Variants in AOPEP observed in about 807,000 individuals in gnomAD.
AOPEP encodes the protein aminopeptidase O.
Under a neutral mutation model 98.1 loss-of-function variants are expected in AOPEP, and 77 were observed. The ratio of observed to expected loss-of-function variants is 0.78; its 90% CI spans 0.65 to 0.95. The LOEUF (loss-of-function observed/expected upper bound fraction) is 0.95, where lower values mean the gene tolerates loss of function less well. Among genes scored for constraint, AOPEP ranks in the 40% least tolerant of loss-of-function variants. The pLI is 0.00. For synonymous variants in AOPEP, 346 were observed against 365.3 expected, an observed-to-expected ratio of 0.95 and a Z score of 0.60; for missense variants, 1,024 against 1,024.7, an observed-to-expected ratio of 1.00 and a Z score of 0.01.
intron 10 of AOPEP, among the ~76,000 whole-genome samples, chr9:94,979,121 G>A (rs909697999): frequency 1.3e-4 from 20 of 152,150 alleles, no homozygotes; most frequent in African/African-American, 3.6e-4. Context: ...AGCACTGAAA[G>A]CACCCATGAT....
intron 5 of AOPEP, among the ~76,000 whole-genome samples, chr9:94,899,417 A>G (rs2050093359): frequency 6.9e-6 from 1 of 145,690 alleles, no homozygotes; most frequent in African/African-American, 2.5e-5. Context: ...TTTTATATTG[A>G]CTTTTTTTTA....
At chr9:95,006,268 AATT>A (rs1345525305) in intron 13 of AOPEP, 1 of 341,330 alleles carries the variant, frequency 2.9e-6, no homozygotes, top group Non-Finnish European at 5.9e-6. Flanking sequence ...AAAAGTGAAT[AATT>A]TTTTGACAAA....
intron 3 of AOPEP, among the ~76,000 whole-genome samples, chr9:94,791,063 C>A (rs1845600536): frequency 1.3e-5 from 2 of 151,974 alleles, no homozygotes; most frequent in Non-Finnish European, 2.9e-5. Context: ...AAAGTGATAT[C>A]CCATAGCAAA....
At position 94,830,815 on chromosome 9, in the gene AOPEP, T is replaced by C. The variant is rs574526637; in HGVS notation, c.1364+29813T>C. On this transcript the variant is annotated intron_variant, in intron 5 of 16. Coordinates refer to ENST00000375315, the MANE Select transcript of AOPEP (RefSeq NM_001193329.3). ...TCTCTAATGACCAGTGATGTTGAGC[T>C]TTTTTTCATGTTTGTTGGCTGCACA... 4.6e-5 allele frequency among the ~76,000 whole-genome samples: 7 copies of C among 152,294 alleles called. No individual in the cohort carries two copies. In the South Asian group the frequency reaches 1.4e-3, roughly 32 times the overall value.
chr9:94,870,955 G>T (rs1450441434), intron 5 of AOPEP, among the ~76,000 whole-genome samples: 1 of 152,190 alleles, frequency 6.6e-6, no homozygotes, highest in Non-Finnish European at 1.5e-5. Flanking sequence ...CTAGGCCATT[G>T]TCCGCTCCCT....
In AOPEP at chr9:95,082,913, C is replaced by A. The variant is rs930722822; in HGVS notation, c.*4+194C>A. On this transcript the variant is annotated intron_variant, in intron 16 of 16. Transcript: ENST00000375315. ...ATGGGAGCCCCGGGTCCCTGGAGCA[C>A]CTTGCCTGGCTGTGGCAGTCACCGG... The A allele has an allele frequency of 7.0e-5, 41 of 588,502 alleles. No homozygotes were observed. The African/African-American group carries it at 7.3e-4, about 11-fold the overall frequency. The allele number at this position is 588,502 out of a possible 1,614,324, so 36.5% of individuals were successfully genotyped here. A position where few individuals can be genotyped will look rare whatever the true frequency, so the allele number is the denominator to read the frequency against.
chr9:94,782,012 A>G (rs575299325), intron 3 of AOPEP, among the ~76,000 whole-genome samples: 1 of 151,290 alleles, frequency 6.6e-6, no homozygotes, highest in South Asian at 2.1e-4. Context: ...TAACACAGTG[A>G]AATGCCGTCT....
intron 5 of AOPEP, among the ~76,000 whole-genome samples, chr9:94,848,248 C>T (rs1366588583): frequency 6.6e-6 from 1 of 151,892 alleles, no homozygotes; most frequent in Non-Finnish European, 1.5e-5. Flanking sequence ...GTCAGGAGGT[C>T]GAGACCATCC....
rs56191928 is a variant in AOPEP, at chr9:94,810,804, A to G, written c.1364+9802A>G. ...TTAGGCCCCCAAGCAAAAGTTTCAG[A>G]AGGGGGCCTCTTTAACCCTTGTTAA... On this transcript the variant is annotated intron_variant, in intron 5 of 16. Coordinates refer to ENST00000375315, the MANE Select transcript of AOPEP (RefSeq NM_001193329.3). 5.3e-3 allele frequency among the ~76,000 whole-genome samples: 803 copies of G among 152,318 alleles called. 12 individuals are homozygous for G. Among genetic ancestry groups the G allele is most frequent in the South Asian group, 0.044 (211 of 4,830 alleles).
chr9:95,020,744 C>T (rs1001991729), intron 13 of AOPEP, among the ~76,000 whole-genome samples: 1 of 151,536 alleles, frequency 6.6e-6, no homozygotes, highest in African/African-American at 2.4e-5. Flanking sequence ...ATGGTGAAAC[C>T]CCGTCTCTAC....
intron 5 of AOPEP, among the ~76,000 whole-genome samples, chr9:94,883,029 C>T (rs1424268852): frequency 6.6e-6 from 1 of 152,160 alleles, no homozygotes; most frequent in Non-Finnish European, 1.5e-5. Context: ...TGATGCTATA[C>T]CCAGTGCAGT....
At chr9:95,101,948 A>T in the AOPEP span, 2 of 1,355,406 alleles carry the variant, frequency 1.5e-6, no homozygotes, top group Non-Finnish European at 2.1e-6. Context: ...CCCTGAAAGA[A>T]GCCCTATCCA....
At chr9:95,034,010 T>G (rs2064555425) in intron 13 of AOPEP, among the ~76,000 whole-genome samples, 1 of 152,170 alleles carries the variant, frequency 6.6e-6, no homozygotes, top group East Asian at 1.9e-4. Context: ...CTGTCAGCTG[T>G]TAGTTCTGTG....
At chr9:94,876,644 C>G (rs12339541) in intron 5 of AOPEP, among the ~76,000 whole-genome samples, 4 of 152,114 alleles carry the variant, frequency 2.6e-5, no homozygotes, top group Non-Finnish European at 5.9e-5. Flanking sequence ...GGATTACAGG[C>G]GTGAACCACT....
chr9:94,778,443 CAA>C (rs34475660), intron 3 of AOPEP, among the ~76,000 whole-genome samples: 39 of 137,952 alleles, frequency 2.8e-4, no homozygotes, highest in African/African-American at 4.4e-4. Context: ...ACTGATAAAT[CAA>C]AAAAAAAAAA....
At chr9:95,105,935 T>C in the AOPEP span, among the ~76,000 whole-genome samples, 1 of 152,262 alleles carries the variant, frequency 6.6e-6, no homozygotes, top group African/African-American at 2.4e-5. Context: ...CCCTGAGCAC[T>C]GGGCCAGATG....
At chr9:95,065,049 C>CCA (rs2067738050) in intron 14 of AOPEP, among the ~76,000 whole-genome samples, 1 of 152,170 alleles carries the variant, frequency 6.6e-6, no homozygotes, top group Non-Finnish European at 1.5e-5. Context: ...GTTGGAGCTT[C>CCA]TTTTTCTTCC....
rs114074107 is a variant in AOPEP at position 94,996,981 on chromosome 9, T to C, written c.1978-8177T>C. On this transcript the variant is annotated intron_variant, in intron 11 of 16. Transcript: ENST00000375315. ...AATGCAGATGTTCATTTCAAGGGAA[T>C]GGATGGCAGCCCTCAGCATAATTAG... Among the ~76,000 whole-genome samples the C allele has an allele frequency of 3.5e-3, 533 of 152,308 alleles. 3 individuals are homozygous for C. The highest frequency in any genetic ancestry group is 0.012 in the African/African-American group (483 of 41,550).
At chr9:94,961,438 T>C (rs1589091107) in intron 9 of AOPEP, among the ~76,000 whole-genome samples, 1 of 152,224 alleles carries the variant, frequency 6.6e-6, no homozygotes. Context: ...CCTTGTGTTA[T>C]GTCATCCTTG....
Sources: gnomAD v4.1 joint callset for allele counts (sites outside exome capture counted in the v4.1 genomes callset) on GRCh38, gnomAD v4.1.1 for gene constraint, MANE v1.5 for transcripts, NCBI Gene and HGNC (gene_info 2026-07-23, HGNC 2026-07-21) for gene names.